Variants in NEMP2 observed in about 807,000 individuals in gnomAD.
NEMP2 encodes the protein nuclear envelope integral membrane protein 2, also known as UPF0571 transmembrane protein.
NEMP2 carries 53 observed loss-of-function variants against 54.2 expected under a neutral mutation model. The observed-to-expected ratio is 0.98, with a 90% confidence interval of 0.78 to 1.23. The LOEUF is 1.23. Ranked by LOEUF, NEMP2 falls within the 50% of genes most tolerant of loss-of-function variation. The pLI is 0.00. For missense variants in NEMP2, 455 were observed against 511.3 expected (o/e 0.89, Z 1.06); for synonymous variants, 197 against 190.3 (o/e 1.04, Z -0.29).
chr2:190,486,468 TAG>T, the NEMP2 span, among the ~76,000 whole-genome samples: 3 of 152,366 alleles, frequency 2.0e-5, no homozygotes, highest in East Asian at 1.9e-4. Flanking sequence ...GACTCTTGGC[TAG>T]AGTCTTCAAC....
downstream of NEMP2, among the ~76,000 whole-genome samples, chr2:190,503,683 C>T (rs1400618369): frequency 6.6e-6 from 1 of 152,192 alleles, no homozygotes; most frequent in Non-Finnish European, 1.5e-5. The surrounding 1 kb of genome is among the most constrained non-coding windows in gnomAD (Gnocchi z 6.3). Flanking sequence ...ACAAAGGCTA[C>T]TTCTGAAGCC....
the NEMP2 span, among the ~76,000 whole-genome samples, chr2:190,545,742 C>CA: frequency 6.6e-6 from 1 of 152,172 alleles, no homozygotes; most frequent in African/African-American, 2.4e-5. Flanking sequence ...AACAGTGTCT[C>CA]AGATTTTGTT....
the NEMP2 span, among the ~76,000 whole-genome samples, chr2:190,560,668 A>G: frequency 3.9e-5 from 6 of 152,174 alleles, no homozygotes; most frequent in Non-Finnish European, 8.8e-5. This position sits in a 1 kb window ranked among gnomAD's most constrained non-coding sequence, Gnocchi z 5.4. Context: ...TTGAGAGCCT[A>G]CTCTGGACAA....
At chr2:190,618,003 T>C in the NEMP2 span, among the ~76,000 whole-genome samples, 1 of 152,220 alleles carries the variant, frequency 6.6e-6, no homozygotes, top group Non-Finnish European at 1.5e-5. Flanking sequence ...AGGACTTGAA[T>C]TTTATTATCA....
chr2:190,627,165 T>C, the NEMP2 span, among the ~76,000 whole-genome samples: 1 of 152,222 alleles, frequency 6.6e-6, no homozygotes. This position sits in a 1 kb window ranked among gnomAD's most constrained non-coding sequence, Gnocchi z 4.4. Context: ...TCCATTTTAT[T>C]TTCCCGTGTT....
At chr2:190,636,394 T>C in the NEMP2 span, among the ~76,000 whole-genome samples, 3 of 152,234 alleles carry the variant, frequency 2.0e-5, no homozygotes, top group African/African-American at 4.8e-5. Context: ...AGGAAAAACT[T>C]TGCAACAAAA....
chr2:190,544,262 A>G, the NEMP2 span, among the ~76,000 whole-genome samples: 2 of 152,192 alleles, frequency 1.3e-5, no homozygotes, highest in African/African-American at 4.8e-5. Context: ...ATATTTTGAA[A>G]TTGACTTGCC....
the NEMP2 span, among the ~76,000 whole-genome samples, chr2:190,444,216 A>G: frequency 2.6e-5 from 4 of 152,328 alleles, no homozygotes; most frequent in Middle Eastern, 3.4e-3. Flanking sequence ...TTTTCTTAGC[A>G]CTGGTGAAAT....
chr2:190,519,103 T>C lies in NEMP2; in HGVS notation c.294A>G (p.Leu98=), dbSNP rs762985393. ...TATGAATCACACATTTGATAAAAGA[T>C]AGAATGTTTTCTGGATATTGGCAAT... is the stretch of plus-strand genomic sequence containing the variant. The part of the protein sequence containing the change: ...RHNCQYPENI[L]SFIKCVIHNF... The change falls in exon 3 of 9, where the codon CTA becomes CTG. Residue 98 remains leucine, a synonymous_variant. Transcript: ENST00000409150. The surrounding 1 kb of genome is among the most constrained non-coding windows in gnomAD (Gnocchi z 5.4). 50 of 1,551,030 alleles carry C rather than the reference T, an allele frequency of 3.2e-5. No homozygotes were observed. The highest frequency in any genetic ancestry group is 7.3e-5 in the East Asian group (3 of 40,922).
the NEMP2 span, among the ~76,000 whole-genome samples, chr2:190,622,956 A>G: frequency 5.3e-5 from 8 of 152,272 alleles, no homozygotes. Context: ...CCACCAAAAA[A>G]CTAGAACAGA....
the NEMP2 span, among the ~76,000 whole-genome samples, chr2:190,552,579 G>T: frequency 6.6e-6 from 1 of 152,094 alleles, no homozygotes; most frequent in Non-Finnish European, 1.5e-5. Context: ...AAATAGCCAG[G>T]AGTGGTGGCA....
chr2:190,596,336 C>T, the NEMP2 span, among the ~76,000 whole-genome samples: 5 of 152,234 alleles, frequency 3.3e-5, no homozygotes, highest in Admixed American at 2.0e-4. The surrounding 1 kb of genome is among the most constrained non-coding windows in gnomAD (Gnocchi z 5.1). Context: ...CACCATGGCA[C>T]GTGTATACCT....
chr2:190,638,281 G>A, the NEMP2 span, among the ~76,000 whole-genome samples: 2 of 152,052 alleles, frequency 1.3e-5, no homozygotes, highest in Non-Finnish European at 2.9e-5. The surrounding 1 kb of genome is among the most constrained non-coding windows in gnomAD (Gnocchi z 5.7). Context: ...CTTCTTCTCT[G>A]AGTATCCATT....
At chr2:190,430,230 T>A in the NEMP2 span, among the ~76,000 whole-genome samples, 2 of 147,934 alleles carry the variant, frequency 1.4e-5, no homozygotes, top group Admixed American at 1.4e-4. Flanking sequence ...TTTTAATTGA[T>A]CATTCTTGGG....
the NEMP2 span, among the ~76,000 whole-genome samples, chr2:190,483,040 T>C: frequency 1.0e-3 from 151 of 151,026 alleles, no homozygotes; most frequent in African/African-American, 3.4e-3. Context: ...TACAGGCGCC[T>C]GCCACCGCGC....
At chr2:190,438,024 G>A in the NEMP2 span, among the ~76,000 whole-genome samples, 1 of 152,058 alleles carries the variant, frequency 6.6e-6, no homozygotes, top group African/African-American at 2.4e-5. The surrounding 1 kb of genome is among the most constrained non-coding windows in gnomAD (Gnocchi z 5.2). Flanking sequence ...ATCTAAAGAT[G>A]TCCATTATAT....
the NEMP2 span, among the ~76,000 whole-genome samples, chr2:190,494,455 T>C: frequency 6.6e-6 from 1 of 152,134 alleles, no homozygotes; most frequent in Non-Finnish European, 1.5e-5. The surrounding 1 kb of genome is among the most constrained non-coding windows in gnomAD (Gnocchi z 5.7). Flanking sequence ...ATTGACACTA[T>C]TCCACAAGAT....
At chr2:190,559,009 G>A in the NEMP2 span, among the ~76,000 whole-genome samples, 1 of 152,066 alleles carries the variant, frequency 6.6e-6, no homozygotes, top group Non-Finnish European at 1.5e-5. The surrounding 1 kb of genome is among the most constrained non-coding windows in gnomAD (Gnocchi z 4.0). Flanking sequence ...CACTAAATTG[G>A]TTGCACTTCA....
the NEMP2 span, among the ~76,000 whole-genome samples, chr2:190,554,918 C>T: frequency 4.6e-5 from 7 of 152,190 alleles, no homozygotes; most frequent in African/African-American, 1.7e-4. This position sits in a 1 kb window ranked among gnomAD's most constrained non-coding sequence, Gnocchi z 5.7. Context: ...CTCTGGCTGG[C>T]AACTCGTGGG....
Sources: gnomAD v4.1 joint callset for allele counts (sites outside exome capture counted in the v4.1 genomes callset) on GRCh38, gnomAD v4.1.1 for gene constraint, Gnocchi (gnomAD v3.1) non-coding constraint, MANE v1.5 for transcripts, NCBI Gene and HGNC (gene_info 2026-07-23, HGNC 2026-07-21) for gene names.